Variants in DRC3 observed in about 807,000 individuals in gnomAD.
The protein encoded by DRC3 is leucine rich repeat containing 48.
A neutral mutation model predicts 57.6 loss-of-function variants in DRC3; 45 were observed. The observed-to-expected ratio is 0.78, with a 90% CI of 0.62 to 1.00. DRC3 has a LOEUF of 1.00. Among genes scored for constraint, DRC3 ranks in the 50% least tolerant of loss-of-function variants. The pLI is 0.00. For missense variants in DRC3, 655 were observed against 675.2 expected (o/e 0.97, Z 0.33); for synonymous variants, 257 against 272.3 (o/e 0.94, Z 0.55).
chr17:17,983,771 C>T (rs2042825879), intron 3 of DRC3, 57 bp from the exon 4 acceptor site: 1 of 1,288,158 alleles, frequency 7.8e-7, no homozygotes, highest in East Asian at 2.3e-5. Context: ...TCCTCCTGTA[C>T]ACTAGCACAA....
At chr17:18,007,246 C>A in intron 12 of DRC3, 99 bp downstream of exon 12, 1 of 787,520 alleles carries the variant, frequency 1.3e-6, no homozygotes, top group Non-Finnish European at 1.9e-6. Context: ...CCTCCCAGAG[C>A]CTCAGTGTTC....
At position 17,980,594 on chromosome 17, in the gene DRC3, A is replaced by ATTT. The variant is rs35688948; in HGVS notation, c.160+2853_160+2855dup. Among the ~76,000 whole-genome samples the ATTT allele has an allele frequency of 3.7e-4, 40 of 108,452 alleles. 1 individual carries two copies. Among genetic ancestry groups the ATTT allele is most frequent in the African/African-American group, 4.0e-4 (11 of 27,482 alleles). 71.1% of individuals were successfully genotyped at this position (108,452 alleles called of 152,430 possible). ...ATAGGTATGAGCCACTGCGCCCAGC[A>ATTT]TTTTTTTTTTTTTTTTTTTGAGATG... On this transcript the variant is annotated intron_variant, in intron 3 of 13. Transcript: ENST00000399187.
chr17:17,993,979 C>A (rs1568493339), intron 6 of DRC3: 1 of 318,716 alleles, frequency 3.1e-6, no homozygotes, highest in East Asian at 8.6e-5. Context: ...TGGAGAACAC[C>A]CAGTCTGGGG....
At chr17:17,990,461 G>A (rs529252644) in intron 5 of DRC3, among the ~76,000 whole-genome samples, 1 of 152,212 alleles carries the variant, frequency 6.6e-6, no homozygotes, top group South Asian at 2.1e-4. Context: ...TCAGTGCCTG[G>A]CATGTGCCAA....
intron 9 of DRC3, among the ~76,000 whole-genome samples, chr17:18,001,974 C>T (rs1214019330): frequency 8.5e-6 from 1 of 117,182 alleles, no homozygotes; most frequent in Non-Finnish European, 1.7e-5. Context: ...TTGAGACCAG[C>T]CTTGCCAACA....
At position 18,006,990 on chromosome 17, in the gene DRC3, T is replaced by A. The variant is rs756853272; in HGVS notation, c.1203-34T>A. On this transcript the variant is annotated intron_variant, in intron 11 of 13. Coordinates refer to ENST00000399187, the MANE Select transcript of DRC3 (RefSeq NM_031294.4). ...AGCATCAGGGACGCGCCGGGCCTGC[T>A]CCTCCCGGGCCTTTGCTTAACTCGG... 46 of 1,610,562 alleles carry A rather than the reference T, an allele frequency of 2.9e-5. No individual in the cohort carries two copies. In the South Asian group the frequency reaches 4.9e-4, roughly 17 times the overall value.
At chr17:17,994,490 G>C (rs958583993) in intron 7 of DRC3, 72 bp downstream of exon 7, 2 of 1,516,948 alleles carry the variant, frequency 1.3e-6, no homozygotes, top group Middle Eastern at 1.9e-4. Context: ...CAAGTAAAAC[G>C]GTCCTCAGGG....
chr17:17,976,660 C>T (rs1036932161), intron 2 of DRC3, among the ~76,000 whole-genome samples: 3 of 151,956 alleles, frequency 2.0e-5, no homozygotes, highest in East Asian at 1.9e-4. Context: ...GGCGACAGAG[C>T]GAGACTCTGT....
At chr17:17,975,097 T>A (rs1751486431) in intron 2 of DRC3, among the ~76,000 whole-genome samples, 1 of 152,200 alleles carries the variant, frequency 6.6e-6, no homozygotes, top group South Asian at 2.1e-4. Flanking sequence ...TTGCTGGGCT[T>A]GACTGAAAGC....
At chr17:17,994,978 T>C in intron 7 of DRC3, 21 bp from the exon 8 acceptor site, 1 of 1,592,484 alleles carries the variant, frequency 6.3e-7, no homozygotes, top group African/African-American at 1.3e-5. Context: ...CCGTCCTACC[T>C]ACGTGTGTTT....
At chr17:17,994,131 G>A in intron 6 of DRC3, 168 bp from the exon 7 acceptor site, 1 of 819,122 alleles carries the variant, frequency 1.2e-6, no homozygotes, top group Non-Finnish European at 1.8e-6. Context: ...ATCAGGAGAT[G>A]GGCATTCTCA....
intron 9 of DRC3, 80 bp from the exon 10 acceptor site, chr17:18,004,283 C>G: frequency 6.7e-7 from 1 of 1,484,162 alleles, no homozygotes; most frequent in Non-Finnish European, 9.2e-7. Flanking sequence ...CAAATTCTTA[C>G]CCACAAAACC....
chr17:18,015,390 T>A (rs2044321972), intron 12 of DRC3: 1 of 152,316 alleles, frequency 6.6e-6, no homozygotes, highest in South Asian at 2.1e-4. Context: ...TCAGTGGCCT[T>A]GCCCTGCTCT....
At chr17:18,007,838 T>G in intron 12 of DRC3, 2 of 1,006,880 alleles carry the variant, frequency 2.0e-6, no homozygotes, top group Non-Finnish European at 2.4e-6. Flanking sequence ...ACTGCCAGTT[T>G]CTCAGCTTCT....
chr17:18,007,591 C>G (rs989457397), intron 12 of DRC3: 1 of 1,457,010 alleles, frequency 6.9e-7, no homozygotes, highest in Non-Finnish European at 9.1e-7. Context: ...ACCAGCACAT[C>G]CACTGATGAA....
intron 9 of DRC3, among the ~76,000 whole-genome samples, chr17:18,001,889 G>A (rs1035115708): frequency 6.6e-6 from 1 of 151,922 alleles, no homozygotes; most frequent in Non-Finnish European, 1.5e-5. Flanking sequence ...AGGTTTGGCC[G>A]GACGCAGTGG....
intron 5 of DRC3, among the ~76,000 whole-genome samples, chr17:17,991,196 GAA>G (rs1597588932): frequency 6.7e-6 from 1 of 150,244 alleles, no homozygotes; most frequent in East Asian, 2.0e-4. Context: ...ATAAATGACT[GAA>G]AGAAATTCAC....
At chr17:17,998,334 G>A (rs2043548900) in intron 9 of DRC3, among the ~76,000 whole-genome samples, 1 of 152,218 alleles carries the variant, frequency 6.6e-6, no homozygotes, top group African/African-American at 2.4e-5. Flanking sequence ...AGCCTAACCA[G>A]GCCATGGGGT....
intron 11 of DRC3, chr17:18,006,652 G>C (rs1399657301): frequency 5.4e-6 from 2 of 368,544 alleles, no homozygotes; most frequent in African/African-American, 4.1e-5. Flanking sequence ...GGGGCAAACT[G>C]CTGTGCTCCA....
Sources: allele counts gnomAD v4.1 joint callset (sites outside exome capture counted in the v4.1 genomes callset), GRCh38; gene constraint gnomAD v4.1.1; transcripts MANE v1.5; gene names NCBI Gene and HGNC (gene_info 2026-07-23, HGNC 2026-07-21).